The following ILDR2 variants were observed in gnomAD, a reference collection of about 807,000 sequenced individuals.
The protein encoded by ILDR2 is immunoglobulin-like domain-containing receptor 2.
A neutral mutation model predicts 66.8 loss-of-function variants in ILDR2; 25 were observed. The observed-to-expected ratio is 0.37, with a 90% confidence interval of 0.27 to 0.52. The LOEUF is 0.52. Among genes scored for constraint, ILDR2 ranks in the 20% least tolerant of loss-of-function variants. The probability of loss-of-function intolerance (pLI) is 0.88; values close to 1 mark genes in which losing one functional copy is unlikely to be tolerated. For synonymous variants in ILDR2, 367 were observed against 357.2 expected (o/e 1.03, Z -0.31); for missense variants, 827 against 876.8 (o/e 0.94, Z 0.72).
chr1:166,965,061 A>T (rs1449309221), intron 1 of ILDR2, among the ~76,000 whole-genome samples: 1 of 152,170 alleles, frequency 6.6e-6, no homozygotes, highest in Non-Finnish European at 1.5e-5. Flanking sequence ...ATATTGTATA[A>T]TGCTCACCCA....
chr1:166,950,542 C>T (rs999832658), intron 3 of ILDR2, among the ~76,000 whole-genome samples: 11 of 152,180 alleles, frequency 7.2e-5, no homozygotes, highest in African/African-American at 2.7e-4. Context: ...GGCATTTCTG[C>T]ATAGCCTTAA....
chr1:166,921,104 G>A lies in ILDR2; in HGVS notation c.1487C>T (p.Ala496Val). The change falls in exon 9 of 10, where the codon GCC becomes GTC. Residue 496 changes from alanine (A) to valine (V), a missense_variant. Ala to Val is a moderately conservative substitution (Grantham distance 64). Around this residue, in one of 2 missense-constraint regions of ILDR2, gnomAD observed 390 missense variants for 353.6 expected, o/e 1.10. Transcript: ENST00000271417. The surrounding 1 kb of genome is among the most constrained non-coding windows in gnomAD (Gnocchi z 5.3). ...GGGTCTGCGGCGCGCGGGGCTGAAG[G>A]CCCAGCCGCGGTCAGCATCGGTCAG... ...EPLTDADRGW[A>V]FSPARRRPAE... 2 of 1,513,872 alleles carry A rather than the reference G, an allele frequency of 1.3e-6. No homozygotes were observed. The highest frequency in any genetic ancestry group is 2.8e-5 in the African/African-American group (2 of 70,450). The allele number at this position is 1,513,872 out of a possible 1,614,324, so 93.8% of individuals were successfully genotyped here.
At position 166,921,080 on chromosome 1, in the gene ILDR2, G is replaced by A. The variant is rs1267112971; in HGVS notation, c.1511C>T (p.Pro504Leu). 2 of 1,492,530 alleles carry A rather than the reference G, an allele frequency of 1.3e-6. No individual in the cohort carries two copies. The highest frequency in any genetic ancestry group is 2.7e-5 in the East Asian group (1 of 37,070). The allele number at this position is 1,492,530 out of a possible 1,614,324, so 92.5% of individuals were successfully genotyped here. A position where few individuals can be genotyped will look rare whatever the true frequency, so the allele number is the denominator to read the frequency against. Residue 504 changes from proline to leucine, a missense_variant, in exon 9 of 10, where the codon CCC (proline) becomes CTC (leucine). Transcript: ENST00000271417. This position sits in a 1 kb window ranked among gnomAD's most constrained non-coding sequence, Gnocchi z 5.3. ...CCGCGGCAGGTGCGCGTCCTCGGCG[G>A]GTCTGCGGCGCGCGGGGCTGAAGGC... is the stretch of plus-strand genomic sequence containing the variant. ...GWAFSPARRRPAEDAHLPRLV... is the reference protein window; with the variant it reads ...GWAFSPARRRLAEDAHLPRLV...
chr1:166,950,758 C>CAT (rs397688854), intron 3 of ILDR2, among the ~76,000 whole-genome samples: 83 of 151,594 alleles, frequency 5.5e-4, no homozygotes, highest in African/African-American at 1.9e-3. Flanking sequence ...CACACACACA[C>CAT]GCCTACCCAT....
chr1:166,924,727 A>G (rs1660172465), intron 7 of ILDR2, among the ~76,000 whole-genome samples: 1 of 152,206 alleles, frequency 6.6e-6, no homozygotes, highest in Non-Finnish European at 1.5e-5. Flanking sequence ...TAAAAATAGG[A>G]AGTGGGGCTG....
At chr1:166,920,422 C>G (rs1277662986) in intron 9 of ILDR2, among the ~76,000 whole-genome samples, 2 of 152,194 alleles carry the variant, frequency 1.3e-5, no homozygotes, top group African/African-American at 2.4e-5. Flanking sequence ...GGTTAAATAC[C>G]TAATGCTCCC....
chr1:166,959,926 C>T (rs909552094), intron 1 of ILDR2, among the ~76,000 whole-genome samples: 2 of 152,142 alleles, frequency 1.3e-5, no homozygotes, highest in Admixed American at 6.5e-5. Flanking sequence ...GGGGCAGAGA[C>T]ATGCAAAAAA....
rs1328819933 is a variant in ILDR2, at chr1:166,917,663, C to T, written c.*1692G>A. 1 of 152,180 alleles carries T rather than the reference C, an allele frequency of 6.6e-6. No homozygotes were observed. Among genetic ancestry groups the T allele is most frequent in the Admixed American group, 6.5e-5 (1 of 15,286 alleles). 9.4% of individuals were successfully genotyped at this position (152,180 alleles called of 1,614,324 possible). A position where few individuals can be genotyped will look rare whatever the true frequency, so the allele number is the denominator to read the frequency against. On this transcript the variant is annotated 3_prime_UTR_variant, in exon 10 of 10. Coordinates refer to ENST00000271417, the MANE Select transcript of ILDR2 (RefSeq NM_199351.3). ...TCAGGGATGAACATTCAGACAAGAACGAGTCAGGTTTGTTCTTAAAGAGAA... is the reference window on the plus strand; with the variant it reads ...TCAGGGATGAACATTCAGACAAGAATGAGTCAGGTTTGTTCTTAAAGAGAA...
chr1:166,961,294 A>G (rs1022471477), intron 1 of ILDR2, among the ~76,000 whole-genome samples: 1 of 152,128 alleles, frequency 6.6e-6, no homozygotes, highest in South Asian at 2.1e-4. Context: ...GATAATTACT[A>G]AGAATAGCCT....
chr1:166,917,653 C>G lies in ILDR2; in HGVS notation c.*1702G>C, dbSNP rs889430409. The G allele has an allele frequency of 2.6e-5, 4 of 152,214 alleles. No individual in the cohort carries two copies. Among genetic ancestry groups the G allele is most frequent in the African/African-American group, 9.6e-5 (4 of 41,452 alleles). The allele number at this position is 152,214 out of a possible 1,614,324, so 9.4% of individuals were successfully genotyped here. On this transcript the variant is annotated 3_prime_UTR_variant, in exon 10 of 10. Coordinates refer to ENST00000271417, the MANE Select transcript of ILDR2 (RefSeq NM_199351.3). ...ATTAAGAGGTTCAGGGATGAACATT[C>G]AGACAAGAACGAGTCAGGTTTGTTC...
chr1:166,958,053 G>C lies in ILDR2; in HGVS notation c.95C>G (p.Ala32Gly). The C allele has an allele frequency of 6.2e-7, 1 of 1,613,382 alleles. No homozygotes were observed. Among genetic ancestry groups the C allele is most frequent in the Non-Finnish European group, 8.5e-7 (1 of 1,179,372 alleles). ...QVTVPDKKKV[A>G]MLFQPTVLRC... ...AAGCACAGTGGGCTGGAAGAGCATG[G>C]CCACCTTCTTCTTGTCGGGCACTGT... Residue 32 changes from alanine to glycine, a missense_variant, in exon 2 of 10, where the codon GCC becomes GGC. Around this residue, in one of 2 missense-constraint regions of ILDR2, gnomAD observed 437 missense variants for 523.2 expected, o/e 0.84. Transcript: ENST00000271417.
Position 166,915,147 on chromosome 1 carries a change from C to T in ILDR2, c.*4208G>A, listed in dbSNP as rs548868588. On this transcript the variant is annotated 3_prime_UTR_variant, in exon 10 of 10. Coordinates refer to ENST00000271417, the MANE Select transcript of ILDR2 (RefSeq NM_199351.3). The stretch of plus-strand genomic sequence containing the variant: ...ATCACTGTTCTGGGAATGGAAATAT[C>T]TACAACAGCCTCCCTGGGAGTGCTC... 1 of 152,296 alleles carries T rather than the reference C, an allele frequency of 6.6e-6. No individual in the cohort carries two copies. Among genetic ancestry groups the T allele is most frequent in the African/African-American group, 2.4e-5 (1 of 41,560 alleles). 9.4% of individuals were successfully genotyped at this position (152,296 alleles called of 1,614,324 possible).
At chr1:166,907,688 GT>G (rs572735905), downstream of ILDR2, among the ~76,000 whole-genome samples, 1 of 151,830 alleles carries the variant, frequency 6.6e-6, no homozygotes, top group Admixed American at 6.6e-5. Context: ...AAGCAATTAA[GT>G]TTTTTTTAAG....
chr1:166,956,897 T>C (rs1662313416), intron 2 of ILDR2, 45 bp from the exon 3 acceptor site: 4 of 1,598,854 alleles, frequency 2.5e-6, no homozygotes, highest in Non-Finnish European at 3.4e-6. Flanking sequence ...CTCTGTCCTC[T>C]GAAAGAAAAA....
At position 166,911,125 on chromosome 1, in the gene ILDR2, C is replaced by T. The variant is rs1215362252; in HGVS notation, c.*8230G>A. 1.3e-5 allele frequency: 2 copies of T among 152,178 alleles called. No homozygotes were observed. Among genetic ancestry groups the T allele is most frequent in the African/African-American group, 4.8e-5 (2 of 41,442 alleles). The allele number at this position is 152,178 out of a possible 1,614,324, so 9.4% of individuals were successfully genotyped here. Reference sequence around the variant, plus strand: ...TTTGGCCACTCTTAACAATTAACAGCCTTCTGTTCACTCTTAAACCCTAAA... The same window carrying T: ...TTTGGCCACTCTTAACAATTAACAGTCTTCTGTTCACTCTTAAACCCTAAA... On this transcript the variant is annotated 3_prime_UTR_variant, in exon 10 of 10. Transcript: ENST00000271417.
At chr1:166,960,009 C>T (rs929468807) in intron 1 of ILDR2, among the ~76,000 whole-genome samples, 4 of 152,182 alleles carry the variant, frequency 2.6e-5, no homozygotes, top group Non-Finnish European at 4.4e-5. Flanking sequence ...AGCCAATTCA[C>T]TCCCACAGCT....
At chr1:166,967,522 C>T (rs368723238) in intron 1 of ILDR2, among the ~76,000 whole-genome samples, 4 of 152,062 alleles carry the variant, frequency 2.6e-5, no homozygotes, top group East Asian at 3.9e-4. Flanking sequence ...TTTGGGAGGC[C>T]GAGGCAGGCA....
intron 7 of ILDR2, 52 bp from the exon 8 acceptor site, chr1:166,922,861 G>A: frequency 6.8e-7 from 1 of 1,480,192 alleles, no homozygotes; most frequent in Non-Finnish European, 9.4e-7. Context: ...CTCTGTTTTA[G>A]ACAGGAAGAG....
intron 6 of ILDR2, among the ~76,000 whole-genome samples, chr1:166,934,136 C>A (rs770376928): frequency 6.6e-6 from 1 of 152,122 alleles, no homozygotes; most frequent in Non-Finnish European, 1.5e-5. Context: ...TAATCCTGTT[C>A]AAATGCCTCA....
Sources: allele counts gnomAD v4.1 joint callset (sites outside exome capture counted in the v4.1 genomes callset), GRCh38; gene constraint gnomAD v4.1.1; regional missense constraint gnomAD v4.1.1; non-coding constraint Gnocchi (gnomAD v3.1); transcripts MANE v1.5; gene names NCBI Gene and HGNC (gene_info 2026-07-23, HGNC 2026-07-21).